SKI: variants seen among roughly 807,000 people sequenced by gnomAD.
The protein encoded by SKI is ski oncogene.
SKI carries 23 observed loss-of-function variants against 59.3 expected under a neutral mutation model. The ratio of observed to expected loss-of-function variants is 0.39; its 90% CI spans 0.28 to 0.55. SKI has a LOEUF of 0.55. SKI is among the 20% of genes least tolerant of loss of function. SKI has a pLI of 0.67. For synonymous variants in SKI, 673 were observed against 488.6 expected (o/e 1.38, Z -4.98); for missense variants, 1,017 against 1,038.9 (o/e 0.98, Z 0.29).
At chr1:2,305,576 G>A (rs1640550938) in intron 5 of SKI, among the ~76,000 whole-genome samples, 1 of 152,222 alleles carries the variant, frequency 6.6e-6, no homozygotes, top group South Asian at 2.1e-4. Context: ...TTTTAATGGG[G>A]AGAGTGGGGG....
At chr1:2,275,285 CCTTT>C (rs1176266563) in intron 1 of SKI, among the ~76,000 whole-genome samples, 1 of 152,216 alleles carries the variant, frequency 6.6e-6, no homozygotes, top group African/African-American at 2.4e-5. Context: ...CACGGCGGCT[CCTTT>C]CTGTTTCTTG....
At chr1:2,246,559 T>C (rs1316782798) in intron 1 of SKI, among the ~76,000 whole-genome samples, 3 of 152,134 alleles carry the variant, frequency 2.0e-5, no homozygotes, top group Non-Finnish European at 4.4e-5. Context: ...GCCAGATTCA[T>C]GTTTGTAAGA....
chr1:2,290,810 C>T (rs1569831392), intron 1 of SKI, among the ~76,000 whole-genome samples: 1 of 152,338 alleles, frequency 6.6e-6, no homozygotes, highest in South Asian at 2.1e-4. Flanking sequence ...TCACCCCCTC[C>T]TGCCGCTCTT....
Position 2,304,559 on chromosome 1 carries a change from C to G in SKI, c.1741C>G (p.Leu581Val). Reference protein sequence around the residue: ...VKQEEKLSAALQAKRSLHQEL... With the variant: ...VKQEEKLSAAVQAKRSLHQEL... ...GCAGGAGGAGAAGCTCAGCGCAGCC[C>G]TGCAGGCCAAGCGCAGCCTCCACCA... Residue 581 changes from leucine (L) to valine (V), a missense_variant, in exon 5 of 7, where the codon CTG becomes GTG. Physicochemically the swap from Leu to Val is conservative, Grantham distance 32 (BLOSUM62 1). Coordinates refer to ENST00000378536, the MANE Select transcript of SKI (RefSeq NM_003036.4). The G allele has an allele frequency of 1.9e-6, 3 of 1,567,262 alleles. No individual in the cohort carries two copies. The highest frequency in any genetic ancestry group is 1.9e-5 in the Admixed American group (1 of 53,646).
At chr1:2,239,345 A>T (rs1638815479) in intron 1 of SKI, among the ~76,000 whole-genome samples, 2 of 152,150 alleles carry the variant, frequency 1.3e-5, no homozygotes, top group Non-Finnish European at 2.9e-5. Flanking sequence ...AAGCTCTTTA[A>T]ACTGTGAAAA....
chr1:2,271,602 G>A (rs1639622402), intron 1 of SKI, among the ~76,000 whole-genome samples: 1 of 152,142 alleles, frequency 6.6e-6, no homozygotes, highest in South Asian at 2.1e-4. Context: ...CGCCTTTTGT[G>A]CTACGCTGCT....
intron 1 of SKI, among the ~76,000 whole-genome samples, chr1:2,247,509 C>G (rs1366288535): frequency 6.6e-6 from 1 of 152,240 alleles, no homozygotes; most frequent in Non-Finnish European, 1.5e-5. Flanking sequence ...AGAAGCCTGT[C>G]ACGTTCCTCC....
At chr1:2,289,290 C>T (rs952003938) in intron 1 of SKI, among the ~76,000 whole-genome samples, 1 of 152,180 alleles carries the variant, frequency 6.6e-6, no homozygotes, top group African/African-American at 2.4e-5. Flanking sequence ...GTCTCAGTGG[C>T]CATGGCTGTT....
At chr1:2,233,339 A>T (rs1007017363) in intron 1 of SKI, among the ~76,000 whole-genome samples, 12 of 151,754 alleles carry the variant, frequency 7.9e-5, no homozygotes, top group African/African-American at 2.9e-4. Flanking sequence ...TCCTGTTCCT[A>T]GGGGCGGTGG....
rs1341756519 is a variant in SKI at position 2,306,652 on chromosome 1, C to T, written c.2074C>T (p.Arg692Cys). Residue 692 changes from arginine to cysteine, a missense_variant, in exon 7 of 7, where the codon CGC (arginine) becomes TGC (cysteine). By Grantham distance (180) the Arg-to-Cys change is radical (BLOSUM62 -3). Transcript: ENST00000378536. ...EQLRADLLRE[R>C]EAREHLEKVV... is the part of the protein sequence containing the mutation. ...GCTGCGGGCCGACCTGCTGCGGGAG[C>T]GCGAGGCCCGGGAGCACCTGGAGAA... The T allele has an allele frequency of 1.9e-6, 3 of 1,544,560 alleles. No individual in the cohort carries two copies. Among genetic ancestry groups the T allele is most frequent in the Non-Finnish European group, 1.7e-6 (2 of 1,145,220 alleles).
Position 2,304,310 on chromosome 1 carries a change from T to C in SKI, c.1492T>C (p.Ser498Pro). 1 of 1,551,716 alleles carries C rather than the reference T, an allele frequency of 6.4e-7. No homozygotes were observed. Among genetic ancestry groups the C allele is most frequent in the Non-Finnish European group, 8.7e-7 (1 of 1,146,922 alleles). The change falls in exon 5 of 7, where the codon TCG becomes CCG. Residue 498 changes from serine to proline, a missense_variant. Transcript: ENST00000378536. ...CTCCTCAGTCACCTCCTCCTTGTCC[T>C]CGCTCTCTTCCCCGTCCTTTACCTC... The part of the protein sequence containing the change: ...SREEFTSSLS[S>P]LSSPSFTSSS...
At chr1:2,272,454 C>T (rs961684345) in intron 1 of SKI, among the ~76,000 whole-genome samples, 30 of 152,178 alleles carry the variant, frequency 2.0e-4, no homozygotes, top group Admixed American at 3.3e-4. Flanking sequence ...CCTGGCCCAG[C>T]GTCTGCAGCT....
rs530837164 is a variant in SKI at position 2,302,890 on chromosome 1, T to C, written c.970-88T>C. The C allele has an allele frequency of 1.4e-5, 22 of 1,563,658 alleles. No individual in the cohort carries two copies. In the African/African-American group the frequency reaches 2.2e-4, roughly 15 times the overall value. ...CGTTTGTGGCCGGAGTGCATGGGGC[T>C]CTGACTGCCATGTGCCAGCCACGGG... On this transcript the variant is annotated intron_variant, in intron 1 of 6. Coordinates refer to ENST00000378536, the MANE Select transcript of SKI (RefSeq NM_003036.4).
intron 1 of SKI, among the ~76,000 whole-genome samples, chr1:2,250,283 C>T (rs146506033): frequency 9.8e-4 from 150 of 152,306 alleles, no homozygotes; most frequent in Non-Finnish European, 1.8e-3. Context: ...CAGAGAGTCC[C>T]GTGTGGTGCT....
At chr1:2,305,330 T>C (rs1640542486) in intron 5 of SKI, among the ~76,000 whole-genome samples, 2 of 152,160 alleles carry the variant, frequency 1.3e-5, no homozygotes, top group Admixed American at 6.5e-5. Context: ...GGCCCCGGCC[T>C]CGCTAAATTC....
chr1:2,243,895 CT>C (rs1638932473), intron 1 of SKI, among the ~76,000 whole-genome samples: 1 of 152,168 alleles, frequency 6.6e-6, no homozygotes, highest in South Asian at 2.1e-4. Context: ...GTTCACGTTT[CT>C]GATCATTTCC....
intron 1 of SKI, among the ~76,000 whole-genome samples, chr1:2,258,984 A>G (rs942496436): frequency 2.6e-5 from 4 of 152,190 alleles, no homozygotes; most frequent in African/African-American, 9.7e-5. Context: ...TTTCTAGACC[A>G]GCATATTCAA....
Position 2,261,291 on chromosome 1 carries a change from A to G in SKI, c.969+31556A>G, listed in dbSNP as rs995805792. 6.6e-5 allele frequency among the ~76,000 whole-genome samples: 10 copies of G among 152,222 alleles called. No homozygotes were observed. The East Asian group carries it at 1.3e-3, about 20-fold the overall frequency. ...TCTTCCACTTTTCCATATGAATTTT[A>G]GAATCAGTTTGTCAATTTCTGTGAA... On this transcript the variant is annotated intron_variant, in intron 1 of 6. Transcript: ENST00000378536.
At chr1:2,272,466 CCAG>C (rs1416191365) in intron 1 of SKI, among the ~76,000 whole-genome samples, 4 of 152,166 alleles carry the variant, frequency 2.6e-5, no homozygotes, top group Non-Finnish European at 5.9e-5. Context: ...TCTGCAGCTC[CCAG>C]CGGCACTGAA....
Sources: gnomAD v4.1 joint callset for allele counts (sites outside exome capture counted in the v4.1 genomes callset) on GRCh38, gnomAD v4.1.1 for gene constraint, MANE v1.5 for transcripts, NCBI Gene and HGNC (gene_info 2026-07-23, HGNC 2026-07-21) for gene names.